The following LRGUK variants were observed in gnomAD, a reference collection of about 807,000 sequenced individuals.
LRGUK encodes leucine-rich repeat and guanylate kinase domain-containing protein.
LRGUK carries 65 observed loss-of-function variants against 76.0 expected under a neutral mutation model. The ratio of observed to expected loss-of-function variants is 0.85; its 90% CI spans 0.70 to 1.05. The LOEUF (loss-of-function observed/expected upper bound fraction) is 1.05, where lower values mean the gene tolerates loss of function less well. LRGUK is among the 50% of genes least tolerant of loss of function. The probability of loss-of-function intolerance (pLI) is 0.00; values close to 1 mark genes in which losing one functional copy is unlikely to be tolerated. For missense variants in LRGUK, 758 were observed against 732.8 expected (o/e 1.03, Z -0.40); for synonymous variants, 268 against 265.6 (o/e 1.01, Z -0.09).
intron 16 of LRGUK, 50 bp from the exon 17 acceptor site, chr7:134,247,506 T>C (rs760269710): frequency 7.7e-7 from 1 of 1,300,992 alleles, no homozygotes; most frequent in South Asian, 1.2e-5. Flanking sequence ...GTTTTAATCA[T>C]CTGACATTTT....
At chr7:134,173,684 C>CATA (rs1323187871) in intron 7 of LRGUK, among the ~76,000 whole-genome samples, 1 of 151,860 alleles carries the variant, frequency 6.6e-6, no homozygotes, top group Non-Finnish European at 1.5e-5. Flanking sequence ...GTATATAAAA[C>CATA]ATAAGTGTAC....
chr7:134,201,577 G>T lies in LRGUK; in HGVS notation c.1843+1G>T, dbSNP rs1437514418. ...GCCAAGAGTTTGGCTACAACTGCAG[G>T]TACTATTCTATCATTTTTGTGCCAG... On this transcript the variant is annotated splice_donor_variant, in intron 15 of 15. Transcript: ENST00000645682. LOFTEE classifies it high-confidence loss of function. 1 of 1,601,166 alleles carries T rather than the reference G, an allele frequency of 6.2e-7. No individual in the cohort carries two copies. The highest frequency in any genetic ancestry group is 8.5e-7 in the Non-Finnish European group (1 of 1,173,540).
At chr7:134,258,723 C>T (rs900714561) in intron 19 of LRGUK, among the ~76,000 whole-genome samples, 1 of 151,802 alleles carries the variant, frequency 6.6e-6, no homozygotes, top group South Asian at 2.1e-4. Flanking sequence ...CGTTGTTTTA[C>T]ATATGGTACT....
At chr7:134,237,621 T>G (rs1802046986) in intron 16 of LRGUK, among the ~76,000 whole-genome samples, 1 of 152,184 alleles carries the variant, frequency 6.6e-6, no homozygotes, top group Non-Finnish European at 1.5e-5. Flanking sequence ...AATCCATGAT[T>G]TCTTGTGCTT....
intron 16 of LRGUK, among the ~76,000 whole-genome samples, chr7:134,241,941 G>A (rs547616058): frequency 1.5e-4 from 23 of 152,284 alleles, no homozygotes; most frequent in Admixed American, 7.2e-4. Flanking sequence ...TGAACAACCT[G>A]CTCCTGAATG....
chr7:134,175,853 G>T (rs1056530351), intron 8 of LRGUK, among the ~76,000 whole-genome samples: 21 of 152,098 alleles, frequency 1.4e-4, no homozygotes, highest in African/African-American at 5.1e-4. Flanking sequence ...GAGTAATAAG[G>T]AGTTTGTTTT....
At chr7:134,158,860 G>A (rs1455810341) in intron 6 of LRGUK, among the ~76,000 whole-genome samples, 4 of 152,144 alleles carry the variant, frequency 2.6e-5, no homozygotes, top group Non-Finnish European at 5.9e-5. Flanking sequence ...CTACAGTATT[G>A]ACTGTGAAAT....
chr7:134,263,799 C>T, intron 19 of LRGUK, 46 bp from the exon 20 acceptor site: 2 of 1,551,630 alleles, frequency 1.3e-6, no homozygotes, highest in South Asian at 2.4e-5. Context: ...CTCTTTGTAC[C>T]AAGAAACCAA....
intron 12 of LRGUK, among the ~76,000 whole-genome samples, chr7:134,195,468 T>A (rs892257150): frequency 4.6e-5 from 7 of 152,198 alleles, no homozygotes; most frequent in African/African-American, 1.7e-4. Context: ...TTAGGTTAGA[T>A]CTCTTTCATT....
At position 134,178,616 on chromosome 7, in the gene LRGUK, A is replaced by C. The variant is rs746627212; in HGVS notation, c.1214+7A>C. ...CGCAGAGGATCTTTGACAGGTACTT[A>C]TTAGAAATCCAAAGGCCGGAATTCA... On this transcript the variant is annotated splice_region_variant and intron_variant, in intron 10 of 15. Transcript: ENST00000645682. 1.9e-6 allele frequency: 3 copies of C among 1,608,334 alleles called. No homozygotes were observed. The South Asian group carries it at 3.3e-5, about 18-fold the overall frequency.
At chr7:134,169,146 A>G (rs1799131121) in intron 7 of LRGUK, among the ~76,000 whole-genome samples, 2 of 2,214 alleles carry the variant, frequency 9.0e-4, no homozygotes, top group African/African-American at 3.0e-3. Context: ...ACACACACAC[A>G]CACACACACA....
downstream of LRGUK, among the ~76,000 whole-genome samples, chr7:134,215,175 A>G (rs751017322): frequency 6.6e-6 from 1 of 152,118 alleles, no homozygotes; most frequent in African/African-American, 2.4e-5. Flanking sequence ...AGAAGTATAC[A>G]TGTTACAATA....
chr7:134,227,551 T>C (rs1172303901), intron 16 of LRGUK, among the ~76,000 whole-genome samples: 1 of 152,054 alleles, frequency 6.6e-6, no homozygotes, highest in South Asian at 2.1e-4. Flanking sequence ...CCCCAGATGA[T>C]AGGAAACAGG....
chr7:134,199,966 T>G (rs2117084817), intron 14 of LRGUK, among the ~76,000 whole-genome samples: 1 of 135,558 alleles, frequency 7.4e-6, no homozygotes. Context: ...TTTCTATAGA[T>G]ATATTCTAGA....
In LRGUK at chr7:134,191,805, A is replaced by G. The variant is rs137950210; in HGVS notation, c.1431+54A>G. On this transcript the variant is annotated intron_variant, in intron 12 of 15. Coordinates refer to ENST00000645682, the Ensembl canonical transcript of LRGUK. ...CACAAGAAATACACGTTCTCTGGCA[A>G]AAATGTTAGGAAATAGTTATAAATA... 1.1e-5 allele frequency: 13 copies of G among 1,180,752 alleles called. No homozygotes were observed. The East Asian group carries it at 2.9e-4, about 26-fold the overall frequency. 73.1% of individuals were successfully genotyped at this position (1,180,752 alleles called of 1,614,324 possible). A position where few individuals can be genotyped will look rare whatever the true frequency, so the allele number is the denominator to read the frequency against.
At chr7:134,255,844 G>T (rs2117220805) in intron 18 of LRGUK, among the ~76,000 whole-genome samples, 1 of 151,990 alleles carries the variant, frequency 6.6e-6, no homozygotes, top group South Asian at 2.1e-4. Context: ...CTTTTTGCTT[G>T]GTCTCAGCAT....
At position 134,178,095 on chromosome 7, in the gene LRGUK, A is replaced by C. The variant is rs538229466; in HGVS notation, c.1108-408A>C. 3.9e-5 allele frequency among the ~76,000 whole-genome samples: 6 copies of C among 152,304 alleles called. No individual in the cohort carries two copies. In the East Asian group the frequency reaches 1.2e-3, roughly 29 times the overall value. ...GAGGAAAACATTCCGCATGCATCAA[A>C]ACCTGGAATCTACAGCTATAAGTTT... On this transcript the variant is annotated intron_variant, in intron 9 of 15. Coordinates refer to ENST00000645682, the Ensembl canonical transcript of LRGUK.
chr7:134,148,784 G>T (rs1379195636), intron 5 of LRGUK, among the ~76,000 whole-genome samples: 1 of 152,042 alleles, frequency 6.6e-6, no homozygotes, highest in Non-Finnish European at 1.5e-5. Flanking sequence ...AAATTAGCCA[G>T]ATGTGATGGG....
intron 19 of LRGUK, among the ~76,000 whole-genome samples, chr7:134,263,601 C>A (rs1172665544): frequency 6.7e-6 from 1 of 148,372 alleles, no homozygotes; most frequent in Non-Finnish European, 1.5e-5. Context: ...CACTATTATT[C>A]TTCCTTGAAT....
Sources: gnomAD v4.1 joint callset for allele counts (sites outside exome capture counted in the v4.1 genomes callset) on GRCh38, gnomAD v4.1.1 for gene constraint, MANE v1.5 for transcripts, NCBI Gene and HGNC (gene_info 2026-07-23, HGNC 2026-07-21) for gene names.